Variants in SLC6A7 observed in about 807,000 individuals in gnomAD.
SLC6A7 encodes the protein sodium-dependent proline transporter.
SLC6A7 carries 58 observed loss-of-function variants against 73.1 expected under a neutral mutation model. The observed-to-expected ratio is 0.79, with a 90% CI of 0.64 to 0.99. The LOEUF is 0.99. SLC6A7 is among the 50% of genes least tolerant of loss of function. The pLI, the probability that SLC6A7 is intolerant of heterozygous loss-of-function variation, is 0.00. For synonymous variants in SLC6A7, 338 were observed against 338.7 expected (o/e 1.00, Z 0.02); for missense variants, 783 against 831.4 (o/e 0.94, Z 0.72).
intron 13 of SLC6A7, among the ~76,000 whole-genome samples, chr5:150,207,646 G>T (rs1292645373): frequency 6.6e-6 from 1 of 152,208 alleles, no homozygotes; most frequent in Admixed American, 6.5e-5. Flanking sequence ...GTTCAGGATG[G>T]AGTCAGGACG....
chr5:150,203,584 G>T, intron 8 of SLC6A7, 83 bp from the exon 9 acceptor site: 1 of 727,162 alleles, frequency 1.4e-6, no homozygotes. Flanking sequence ...CCAAATGAGT[G>T]TAAGTGGCCG....
At chr5:150,198,822 G>GTGTT (rs370531310) in intron 4 of SLC6A7, among the ~76,000 whole-genome samples, 37,333 of 143,406 alleles carry the variant, frequency 0.26, 5,602 homozygotes, top group Non-Finnish European at 0.35. Context: ...GTGTGTGTGT[G>GTGTT]TGTGTGTGTG....
In SLC6A7 at chr5:150,206,678, C is replaced by T. The variant is rs545134878; in HGVS notation, c.1701+1055C>T. ...GGCACCCTGGAGTCTAGCCTCTGCA[C>T]TGCCTCCAATTGCTGTGTGACTTGG... On this transcript the variant is annotated intron_variant, in intron 13 of 13. Transcript: ENST00000230671. Among the ~76,000 whole-genome samples, 16 of 152,366 alleles carry T rather than the reference C, an allele frequency of 1.1e-4. No homozygotes were observed. The South Asian group carries it at 1.7e-3, about 16-fold the overall frequency.
intron 6 of SLC6A7, among the ~76,000 whole-genome samples, 156 bp downstream of exon 6, chr5:150,201,379 T>G (rs1376460454): frequency 1.3e-5 from 2 of 152,182 alleles, no homozygotes. Flanking sequence ...TATTTTTAAA[T>G]TGATAGGTAA....
At chr5:150,204,471 A>C (rs529327329) in intron 10 of SLC6A7, 61 bp from the exon 11 acceptor site, 70 of 1,283,426 alleles carry the variant, frequency 5.5e-5, no homozygotes, top group Middle Eastern at 1.8e-4. Context: ...TGCCAGGAGA[A>C]GGGGCTGTAG....
At chr5:150,204,727 G>T in intron 11 of SLC6A7, 96 bp downstream of exon 11, 1 of 1,356,866 alleles carries the variant, frequency 7.4e-7, no homozygotes, top group Non-Finnish European at 1.1e-6. Flanking sequence ...CTGGTCCCAA[G>T]GGCCAGGGTT....
chr5:150,199,083 G>A (rs2113976329), intron 4 of SLC6A7, 145 bp from the exon 5 acceptor site: 1 of 1,116,492 alleles, frequency 9.0e-7, no homozygotes, highest in Non-Finnish European at 1.2e-6. Context: ...CTGGGTCAGA[G>A]TTGGTCGGAG....
At chr5:150,204,132 C>T (rs1351887450) in intron 10 of SLC6A7, 94 bp downstream of exon 10, 3 of 1,235,152 alleles carry the variant, frequency 2.4e-6, no homozygotes, top group African/African-American at 3.0e-5. Flanking sequence ...TGCTGGGCCC[C>T]CTCCATCTTC....
intron 4 of SLC6A7, among the ~76,000 whole-genome samples, chr5:150,198,120 A>G (rs1205375774): frequency 2.7e-4 from 15 of 55,190 alleles, no homozygotes; most frequent in African/African-American, 4.5e-4. Context: ...AGAAAGAGAA[A>G]GAAAGAAAGA....
chr5:150,195,006 T>A, intron 2 of SLC6A7, 95 bp downstream of exon 2: 1 of 1,085,842 alleles, frequency 9.2e-7, no homozygotes, highest in Non-Finnish European at 1.4e-6. Context: ...CACTGTCTCC[T>A]AGGCGACCTT....
Position 150,204,897 on chromosome 5 carries a change from C to A in SLC6A7, c.1503C>A (p.Cys501Ter). ...GFKPGLYFRA[C>*]WLFLSPATLL... The stretch of plus-strand genomic sequence containing the variant: ...AGCCGGGCCTCTACTTCAGGGCCTG[C>A]TGGCTGTTCCTGTCCCCAGCCACGC... Residue 501 changes from cysteine (C) to a stop codon, truncating the protein, a stop_gained, in exon 12 of 14, where the codon TGC (cysteine) becomes TGA (stop). Transcript: ENST00000230671. LOFTEE classifies it high-confidence loss of function. 7.7e-7 allele frequency: 1 copy of A among 1,302,616 alleles called. No individual in the cohort carries two copies. The highest frequency in any genetic ancestry group is 4.0e-5 in the East Asian group (1 of 25,268). 80.7% of individuals were successfully genotyped at this position (1,302,616 alleles called of 1,614,324 possible).
Position 150,194,801 on chromosome 5 carries a change from A to G in SLC6A7, c.107A>G (p.His36Arg), listed in dbSNP as rs757595770. 1 of 1,614,136 alleles carries G rather than the reference A, an allele frequency of 6.2e-7. No homozygotes were observed. Among genetic ancestry groups the G allele is most frequent in the Non-Finnish European group, 8.5e-7 (1 of 1,180,000 alleles). Reference sequence around the variant, plus strand: ...GACCTGGATGTGGACTTTGCTGCACACCGGGGGAACTGGACAGGCAAGCTG... The same window carrying G: ...GACCTGGATGTGGACTTTGCTGCACGCCGGGGGAACTGGACAGGCAAGCTG... Reference protein sequence around the residue: ...DVDLDVDFAAHRGNWTGKLDF... With the variant: ...DVDLDVDFAARRGNWTGKLDF... Residue 36 changes from histidine to arginine, a missense_variant, in exon 2 of 14, where the codon CAC becomes CGC. By Grantham distance (29) the His-to-Arg change is conservative. Transcript: ENST00000230671.
At chr5:150,202,516 G>A in intron 7 of SLC6A7, 63 bp from the exon 8 acceptor site, 1 of 1,610,578 alleles carries the variant, frequency 6.2e-7, no homozygotes, top group Non-Finnish European at 8.5e-7. Flanking sequence ...TGGCCAGGGA[G>A]GGCCTCAGAG....
At chr5:150,208,094 C>T (rs987952281) in intron 13 of SLC6A7, among the ~76,000 whole-genome samples, 4 of 151,862 alleles carry the variant, frequency 2.6e-5, no homozygotes, top group African/African-American at 4.8e-5. Flanking sequence ...TGAGCACCCC[C>T]GTTTTCAGCT....
chr5:150,204,106 G>A lies in SLC6A7; in HGVS notation c.1332+68G>A, dbSNP rs1017058891. On this transcript the variant is annotated intron_variant, in intron 10 of 13. Coordinates refer to ENST00000230671, the MANE Select transcript of SLC6A7 (RefSeq NM_014228.5). ...GGCAGACGCCTGCAACGAGATCTCTGGCCCAGCTGAGCAGTTGCTGGGCCC... is the reference window on the plus strand; with the variant it reads ...GGCAGACGCCTGCAACGAGATCTCTAGCCCAGCTGAGCAGTTGCTGGGCCC... The A allele has an allele frequency of 7.2e-5, 109 of 1,510,268 alleles. No homozygotes were observed. The East Asian group carries it at 2.5e-3, about 35-fold the overall frequency. The allele number at this position is 1,510,268 out of a possible 1,614,324, so 93.6% of individuals were successfully genotyped here.
chr5:150,209,992 T>C lies in SLC6A7; in HGVS notation c.*377T>C. ...CCATGGGGCAGCCGGCACCACCTTC[T>C]CATCTCTATTCAGGGCCTACACCCC... On this transcript the variant is annotated 3_prime_UTR_variant, in exon 14 of 14. Coordinates refer to ENST00000230671, the MANE Select transcript of SLC6A7 (RefSeq NM_014228.5). The C allele has an allele frequency of 3.4e-6, 1 of 294,614 alleles. No homozygotes were observed. Among genetic ancestry groups the C allele is most frequent in the Non-Finnish European group, 6.6e-6 (1 of 151,378 alleles). The allele number at this position is 294,614 out of a possible 1,614,324, so 18.2% of individuals were successfully genotyped here.
At chr5:150,197,365 CCG>C in intron 4 of SLC6A7, 89 bp downstream of exon 4, 1 of 832,238 alleles carries the variant, frequency 1.2e-6, no homozygotes, top group Middle Eastern at 2.4e-4. Flanking sequence ...TCAGCATGTA[CCG>C]CCAAGATGAG....
At chr5:150,204,471 A>G (rs529327329) in intron 10 of SLC6A7, 61 bp from the exon 11 acceptor site, 10 of 1,283,308 alleles carry the variant, frequency 7.8e-6, no homozygotes, top group Non-Finnish European at 1.1e-5. Flanking sequence ...TGCCAGGAGA[A>G]GGGGCTGTAG....
intron 6 of SLC6A7, 134 bp from the exon 7 acceptor site, chr5:150,202,213 T>A (rs1475777513): frequency 7.4e-6 from 5 of 673,596 alleles, no homozygotes; most frequent in Non-Finnish European, 1.3e-5. Context: ...ACGTCACTTG[T>A]GAGCCAGGCT....
Sources: gnomAD v4.1 joint callset for allele counts (sites outside exome capture counted in the v4.1 genomes callset) on GRCh38, gnomAD v4.1.1 for gene constraint, MANE v1.5 for transcripts, NCBI Gene and HGNC (gene_info 2026-07-23, HGNC 2026-07-21) for gene names.